The following AGBL4 variants were observed in gnomAD, a reference collection of about 807,000 sequenced individuals.
AGBL4 encodes the protein AGBL carboxypeptidase 4.
Under a neutral mutation model 66.4 loss-of-function variants are expected in AGBL4, and 58 were observed. That is an observed-to-expected ratio of 0.87 (90% CI 0.71 to 1.09). The LOEUF (loss-of-function observed/expected upper bound fraction) is 1.09. AGBL4 is among the 50% of genes least tolerant of loss of function. AGBL4 has a pLI of 0.00. For missense variants in AGBL4, 579 were observed against 631.0 expected (o/e 0.92, Z 0.88); for synonymous variants, 234 against 222.9 (o/e 1.05, Z -0.44).
intron 6 of AGBL4, among the ~76,000 whole-genome samples, chr1:48,711,611 C>T (rs146682734): frequency 1.8e-4 from 28 of 152,260 alleles, no homozygotes; most frequent in Admixed American, 3.3e-4. Context: ...TGGATCTGCA[C>T]GGTGTTGCCT....
intron 6 of AGBL4, among the ~76,000 whole-genome samples, chr1:48,850,364 ACTGGGTTAGT>A (rs1241321167): frequency 6.6e-6 from 1 of 152,182 alleles, no homozygotes; most frequent in African/African-American, 2.4e-5. Flanking sequence ...TGGAAGAAGT[ACTGGGTTAGT>A]AAATTGGTGG....
At chr1:49,445,631 C>T (rs1646137691) in intron 3 of AGBL4, among the ~76,000 whole-genome samples, 1 of 151,792 alleles carries the variant, frequency 6.6e-6, no homozygotes, top group African/African-American at 2.4e-5. Flanking sequence ...TTTCTTTTGT[C>T]TTATCTAGTC....
intron 5 of AGBL4, among the ~76,000 whole-genome samples, chr1:48,888,114 C>T (rs1650550677): frequency 6.6e-6 from 1 of 152,146 alleles, no homozygotes; most frequent in Admixed American, 6.6e-5. Context: ...GCAAATAGTT[C>T]CCATAAACAG....
intron 5 of AGBL4, among the ~76,000 whole-genome samples, chr1:48,993,075 G>C (rs553905199): frequency 6.6e-6 from 1 of 152,246 alleles, no homozygotes; most frequent in South Asian, 2.1e-4. Context: ...AGCCACCATA[G>C]ATGGGAATGT....
chr1:49,238,257 A>G (rs1326793666), intron 4 of AGBL4, among the ~76,000 whole-genome samples: 1 of 152,116 alleles, frequency 6.6e-6, no homozygotes, highest in Non-Finnish European at 1.5e-5. Context: ...CATTTTAAAC[A>G]TTTATTTTTA....
chr1:49,608,334 A>G (rs2124213259), intron 3 of AGBL4, among the ~76,000 whole-genome samples: 1 of 152,290 alleles, frequency 6.6e-6, no homozygotes, highest in Middle Eastern at 3.4e-3. Flanking sequence ...TACTTCTATA[A>G]GAGAAATGAA....
At chr1:49,939,519 A>G (rs1418970163) in intron 1 of AGBL4, among the ~76,000 whole-genome samples, 1 of 151,584 alleles carries the variant, frequency 6.6e-6, no homozygotes, top group African/African-American at 2.4e-5. Context: ...AGATCAATGG[A>G]ACAGAACAGA....
At chr1:48,955,395 T>C (rs535181768) in intron 5 of AGBL4, among the ~76,000 whole-genome samples, 3 of 152,356 alleles carry the variant, frequency 2.0e-5, no homozygotes, top group East Asian at 3.9e-4. Flanking sequence ...CTGATGAATA[T>C]GAAGGCTGAG....
chr1:49,632,996 C>T (rs1358215895), intron 3 of AGBL4, among the ~76,000 whole-genome samples: 1 of 152,084 alleles, frequency 6.6e-6, no homozygotes, highest in Admixed American at 6.6e-5. Flanking sequence ...ATTGCTTGAA[C>T]CTGGGAGGCA....
chr1:49,177,669 G>T (rs1187696940), intron 4 of AGBL4, among the ~76,000 whole-genome samples: 1 of 152,054 alleles, frequency 6.6e-6, no homozygotes, highest in African/African-American at 2.4e-5. Context: ...CTTTTGCACA[G>T]GACTATTAAG....
intron 4 of AGBL4, among the ~76,000 whole-genome samples, chr1:49,209,979 T>C (rs1175594616): frequency 6.6e-6 from 1 of 152,062 alleles, no homozygotes; most frequent in Non-Finnish European, 1.5e-5. Flanking sequence ...ATATAGAATA[T>C]ACTCAATAAA....
chr1:49,500,965 C>A (rs187083315), intron 3 of AGBL4, among the ~76,000 whole-genome samples: 4 of 152,106 alleles, frequency 2.6e-5, no homozygotes, highest in Non-Finnish European at 5.9e-5. Context: ...ACTGCTTTTG[C>A]CAGTATGATC....
At chr1:49,295,303 T>G (rs140074380) in intron 3 of AGBL4, among the ~76,000 whole-genome samples, 678 of 152,316 alleles carry the variant, frequency 4.5e-3, no homozygotes, top group Middle Eastern at 0.01. Context: ...CAATGCAGTG[T>G]TACCAGAACA....
chr1:49,509,388 T>C (rs1475049009), intron 3 of AGBL4, among the ~76,000 whole-genome samples: 1 of 151,946 alleles, frequency 6.6e-6, no homozygotes, highest in Non-Finnish European at 1.5e-5. Flanking sequence ...TGGAGGTGTT[T>C]TATTTTCCTC....
At chr1:49,042,624 G>C (rs1308489557) in intron 5 of AGBL4, among the ~76,000 whole-genome samples, 1 of 152,124 alleles carries the variant, frequency 6.6e-6, no homozygotes, top group Admixed American at 6.5e-5. Context: ...TGAATCATGA[G>C]GTTGAGGGCC....
chr1:48,801,840 C>T (rs550883407), intron 6 of AGBL4, among the ~76,000 whole-genome samples: 14 of 152,004 alleles, frequency 9.2e-5, no homozygotes, highest in African/African-American at 2.2e-4. Flanking sequence ...CTGTTCTGGC[C>T]GGGAGCTGCA....
chr1:49,444,203 C>A (rs1244099335), intron 3 of AGBL4, among the ~76,000 whole-genome samples: 4 of 151,794 alleles, frequency 2.6e-5, no homozygotes, highest in Non-Finnish European at 5.9e-5. Context: ...GGAGAATGTT[C>A]CATATGTTGA....
At chr1:48,994,885 T>A (rs969800781) in intron 5 of AGBL4, among the ~76,000 whole-genome samples, 2 of 152,190 alleles carry the variant, frequency 1.3e-5, no homozygotes, top group African/African-American at 4.8e-5. Context: ...CCAAAATTCA[T>A]GTAATCCATA....
At chr1:49,811,727 TTA>T (rs1645107464) in intron 2 of AGBL4, among the ~76,000 whole-genome samples, 1 of 152,152 alleles carries the variant, frequency 6.6e-6, no homozygotes, top group African/African-American at 2.4e-5. Flanking sequence ...AGTGCTGGGA[TTA>T]CAGGCATGAG....
Sources: gnomAD v4.1 joint callset for allele counts (sites outside exome capture counted in the v4.1 genomes callset) on GRCh38, gnomAD v4.1.1 for gene constraint, MANE v1.5 for transcripts, NCBI Gene and HGNC (gene_info 2026-07-23, HGNC 2026-07-21) for gene names.